The following RASGRP1 variants were observed in gnomAD, a reference collection of about 807,000 sequenced individuals.
RASGRP1 encodes the protein RAS guanyl-releasing protein 1.
In RASGRP1, 37 loss-of-function variants were observed where a neutral mutation model predicts 95.1. That is an observed-to-expected ratio of 0.39 (90% CI 0.30 to 0.51). The LOEUF (loss-of-function observed/expected upper bound fraction) is 0.51, where lower values mean the gene tolerates loss of function less well. Among genes scored for constraint, RASGRP1 ranks in the 20% least tolerant of loss-of-function variants. The pLI is 0.80. For missense variants in RASGRP1, 711 were observed against 965.4 expected, an observed-to-expected ratio of 0.74 and a Z score of 3.49; for synonymous variants, 325 against 353.4, an observed-to-expected ratio of 0.92 and a Z score of 0.90.
At chr15:38,518,215 G>T in intron 5 of RASGRP1, 77 bp downstream of exon 5, 4 of 1,447,644 alleles carry the variant, frequency 2.8e-6, no homozygotes, top group Non-Finnish European at 2.9e-6. Context: ...CTGGGGGTCA[G>T]AAGCCCAACA....
intron 10 of RASGRP1, chr15:38,504,874 T>C (rs1891191612): frequency 6.6e-6 from 1 of 152,196 alleles, no homozygotes; most frequent in Non-Finnish European, 1.5e-5. Context: ...TCCATTATAA[T>C]CTTAAGGGAC....
chr15:38,555,731 A>C (rs1893530107), intron 2 of RASGRP1, among the ~76,000 whole-genome samples: 1 of 152,224 alleles, frequency 6.6e-6, no homozygotes, highest in Admixed American at 6.5e-5. Flanking sequence ...TGGAACTCTA[A>C]GAAAAAATAA....
chr15:38,520,682 A>G (rs762298442), intron 3 of RASGRP1, among the ~76,000 whole-genome samples: 4 of 152,184 alleles, frequency 2.6e-5, no homozygotes, highest in Non-Finnish European at 5.9e-5. Flanking sequence ...AAAACTATTT[A>G]GAATTCAGGG....
intron 2 of RASGRP1, among the ~76,000 whole-genome samples, chr15:38,548,994 C>G (rs1893218503): frequency 6.6e-6 from 1 of 152,174 alleles, no homozygotes; most frequent in Non-Finnish European, 1.5e-5. Context: ...GCAAGCCAAA[C>G]AGTCAGGTGG....
chr15:38,540,488 C>T (rs935951799), intron 2 of RASGRP1, among the ~76,000 whole-genome samples: 5 of 152,100 alleles, frequency 3.3e-5, no homozygotes, highest in African/African-American at 1.2e-4. Flanking sequence ...TTTGTATCCC[C>T]AGGATCTGCA....
At chr15:38,516,400 G>T in intron 5 of RASGRP1, 50 bp from the exon 6 acceptor site, 1 of 1,554,088 alleles carries the variant, frequency 6.4e-7, no homozygotes, top group Middle Eastern at 1.9e-4. Context: ...GGAATAAATC[G>T]CTTTTTGCAA....
Position 38,516,189 on chromosome 15 carries a change from A to G in RASGRP1, c.675+8T>C, listed in dbSNP as rs560868189. 8.9e-6 allele frequency: 14 copies of G among 1,576,974 alleles called. No individual in the cohort carries two copies. In the East Asian group the frequency reaches 2.9e-4, roughly 33 times the overall value. ...GGAAGATTTTTCTCCTGCCCCTTGC[A>G]TACATACCGATATCCTCCGGAAAGA... On this transcript the variant is annotated splice_region_variant and intron_variant, in intron 6 of 16. Coordinates refer to ENST00000310803, the MANE Select transcript of RASGRP1 (RefSeq NM_005739.4).
In RASGRP1 at chr15:38,502,324, A is replaced by G; in HGVS notation, c.1526T>C (p.Met509Thr). Residue 509 changes from methionine to threonine, a missense_variant, in exon 12 of 17, where the codon ATG (methionine) becomes ACG (threonine). Coordinates refer to ENST00000310803, the MANE Select transcript of RASGRP1 (RefSeq NM_005739.4). Reference protein sequence around the residue: ...AASFPFSFCVMDKDREGLISR... With the variant: ...AASFPFSFCVTDKDREGLISR... ...TACAAACCCTCACCTGTCTTTGTCC[A>G]TCACACAGAAGGAAAATGGAAAACT... 6.3e-7 allele frequency: 1 copy of G among 1,582,788 alleles called. No individual in the cohort carries two copies. The highest frequency in any genetic ancestry group is 8.7e-7 in the Non-Finnish European group (1 of 1,151,616).
Position 38,562,615 on chromosome 15 carries a change from T to G in RASGRP1, c.35+1979A>C, listed in dbSNP as rs117629517. Among the ~76,000 whole-genome samples, 881 of 152,358 alleles carry G rather than the reference T, an allele frequency of 5.8e-3. 2 individuals carry two copies. The highest frequency in any genetic ancestry group is 0.01 in the Non-Finnish European group (709 of 68,028). Reference sequence around the variant, plus strand: ...GTTTTAAAAAAATAAAGTCATTCATTGTAGAAGTCTCCTTCTCTCAGGCCT... The same window carrying G: ...GTTTTAAAAAAATAAAGTCATTCATGGTAGAAGTCTCCTTCTCTCAGGCCT... On this transcript the variant is annotated intron_variant, in intron 1 of 16. Transcript: ENST00000310803.
intron 1 of RASGRP1, among the ~76,000 whole-genome samples, chr15:38,563,422 A>G (rs2141204924): frequency 6.6e-6 from 1 of 152,322 alleles, no homozygotes; most frequent in South Asian, 2.1e-4. Flanking sequence ...GGAGACCGTC[A>G]AAACTCTAAA....
chr15:38,550,816 C>T (rs1368464928), intron 2 of RASGRP1, among the ~76,000 whole-genome samples: 1 of 152,132 alleles, frequency 6.6e-6, no homozygotes, highest in Non-Finnish European at 1.5e-5. Flanking sequence ...GCTTATCTTG[C>T]TCTTGATGGT....
intron 3 of RASGRP1, among the ~76,000 whole-genome samples, chr15:38,523,902 A>G (rs113487900): frequency 5.9e-5 from 9 of 152,304 alleles, no homozygotes; most frequent in Non-Finnish European, 8.8e-5. Context: ...AGTACACTCT[A>G]TGGTGTTCAC....
chr15:38,503,463 A>G (rs1891121119), intron 10 of RASGRP1, 87 bp from the exon 11 acceptor site: 1 of 976,060 alleles, frequency 1.0e-6, no homozygotes. Context: ...CCTGACGGTT[A>G]CATTTATGGA....
chr15:38,560,079 G>A, intron 1 of RASGRP1, 74 bp from the exon 2 acceptor site: 2 of 1,329,218 alleles, frequency 1.5e-6, no homozygotes, highest in South Asian at 1.3e-5. Context: ...GAGAGGAAGG[G>A]AATGGAGATA....
chr15:38,524,966 C>CT (rs1209374484), intron 3 of RASGRP1, among the ~76,000 whole-genome samples: 5,352 of 120,204 alleles, frequency 0.045, 351 homozygotes, highest in African/African-American at 0.17. Flanking sequence ...GTACAATTTT[C>CT]TTTCTTTTTT....
intron 16 of RASGRP1, among the ~76,000 whole-genome samples, chr15:38,492,284 A>G (rs1434597489): frequency 1.3e-5 from 2 of 152,086 alleles, no homozygotes; most frequent in African/African-American, 4.8e-5. Context: ...CTTTTTTCGT[A>G]TGTTTCTCTT....
chr15:38,543,561 CTT>C (rs1312763434), intron 2 of RASGRP1, among the ~76,000 whole-genome samples: 13 of 60,682 alleles, frequency 2.1e-4, no homozygotes, highest in African/African-American at 4.8e-4. Flanking sequence ...AAACTCTAGT[CTT>C]TTTTTTTTTT....
In RASGRP1 at chr15:38,542,874, TATATATATA is replaced by T. The variant is rs1595873857; in HGVS notation, c.221-16479_221-16471del. ...GTGTATATATATACACATATATGTG[TATATATATA>T]CACATATATGTGTATATATATACAC... On this transcript the variant is annotated intron_variant, in intron 2 of 16. Coordinates refer to ENST00000310803, the MANE Select transcript of RASGRP1 (RefSeq NM_005739.4). Among the ~76,000 whole-genome samples, 4 of 141,476 alleles carry T rather than the reference TATATATATA, an allele frequency of 2.8e-5. No individual in the cohort carries two copies. In the East Asian group the frequency reaches 8.1e-4, roughly 29 times the overall value. 92.8% of individuals were successfully genotyped at this position (141,476 alleles called of 152,430 possible).
At chr15:38,501,341 T>C (rs1246692548) in intron 12 of RASGRP1, 54 bp from the exon 13 acceptor site, 3 of 1,590,102 alleles carry the variant, frequency 1.9e-6, no homozygotes, top group South Asian at 1.1e-5. Context: ...TGGAGGCAGG[T>C]AGCAAGGGGG....
Sources: allele counts gnomAD v4.1 joint callset (sites outside exome capture counted in the v4.1 genomes callset), GRCh38; gene constraint gnomAD v4.1.1; transcripts MANE v1.5; gene names NCBI Gene and HGNC (gene_info 2026-07-23, HGNC 2026-07-21).